The following NRG2 variants were observed in gnomAD, a reference collection of about 807,000 sequenced individuals.
The protein encoded by NRG2 is neuregulin 2.
Under a neutral mutation model 73.9 loss-of-function variants are expected in NRG2, and 27 were observed. The ratio of observed to expected loss-of-function variants is 0.37; its 90% CI spans 0.27 to 0.50. The LOEUF is 0.50. Ranked by LOEUF, NRG2 falls within the 20% of genes least tolerant of loss-of-function variation. The pLI, the probability that NRG2 is intolerant of heterozygous loss-of-function variation, is 0.96. For missense variants in NRG2, 1,126 were observed against 1,210.1 expected, an observed-to-expected ratio of 0.93 and a Z score of 1.03; for synonymous variants, 532 against 541.0, an observed-to-expected ratio of 0.98 and a Z score of 0.23.
chr5:139,884,460 G>A (rs1220675218), intron 2 of NRG2, among the ~76,000 whole-genome samples: 1 of 152,220 alleles, frequency 6.6e-6, no homozygotes, highest in Non-Finnish European at 1.5e-5. Context: ...GCCAGGAAGA[G>A]GAGTCGGAAG....
At chr5:139,879,196 A>C (rs903130981) in intron 3 of NRG2, among the ~76,000 whole-genome samples, 4 of 152,188 alleles carry the variant, frequency 2.6e-5, no homozygotes, top group Non-Finnish European at 5.9e-5. Flanking sequence ...TTCCAGGAGA[A>C]AGCATCCTCC....
intron 1 of NRG2, among the ~76,000 whole-genome samples, chr5:139,988,014 T>A (rs968017512): frequency 2.0e-5 from 3 of 152,210 alleles, no homozygotes; most frequent in Non-Finnish European, 4.4e-5. Context: ...GACCTTGTGA[T>A]CCGCCTGCCT....
intron 1 of NRG2, among the ~76,000 whole-genome samples, chr5:139,965,766 T>G (rs1167934765): frequency 6.6e-6 from 1 of 151,918 alleles, no homozygotes; most frequent in Non-Finnish European, 1.5e-5. Context: ...CTGTCAGGAG[T>G]GCTCACTAGT....
At chr5:139,896,408 G>A (rs377091654) in intron 1 of NRG2, among the ~76,000 whole-genome samples, 3 of 152,216 alleles carry the variant, frequency 2.0e-5, no homozygotes, top group East Asian at 3.9e-4. Context: ...GCTGCCAGAG[G>A]CCCTGTCTCC....
At position 139,880,176 on chromosome 5, in the gene NRG2, G is replaced by A. The variant is rs565717884; in HGVS notation, c.991+680C>T. 9.2e-5 allele frequency among the ~76,000 whole-genome samples: 14 copies of A among 152,310 alleles called. No homozygotes were observed. The East Asian group carries it at 2.7e-3, about 29-fold the overall frequency. ...AGCTAGAGTGGAGAGGGCACTGCCTGAGGACAGGTAGTTTTGGCGGAGAGG... is the reference window on the plus strand; with the variant it reads ...AGCTAGAGTGGAGAGGGCACTGCCTAAGGACAGGTAGTTTTGGCGGAGAGG... On this transcript the variant is annotated intron_variant, in intron 3 of 9. Transcript: ENST00000361474.
intron 1 of NRG2, among the ~76,000 whole-genome samples, chr5:139,938,841 C>A (rs1753049959): frequency 1.0e-5 from 1 of 95,372 alleles, no homozygotes; most frequent in Non-Finnish European, 2.0e-5. Context: ...CAGTCATATA[C>A]AGAAAGGGAA....
In NRG2 at chr5:140,010,050, C is replaced by T. The variant is rs184110496; in HGVS notation, c.700+32320G>A. Among the ~76,000 whole-genome samples, 278 of 152,302 alleles carry T rather than the reference C, an allele frequency of 1.8e-3. 1 individual carries two copies. The highest frequency in any genetic ancestry group is 3.4e-3 in the Middle Eastern group (1 of 294). ...CAGTGGCTCACACCTGTAATCCCAA[C>T]ACTCTGAGAGGCCAAGGTGGGTGGA... On this transcript the variant is annotated intron_variant, in intron 1 of 9. Coordinates refer to ENST00000361474, the MANE Select transcript of NRG2 (RefSeq NM_004883.3).
At chr5:139,977,046 G>A (rs143437652) in intron 1 of NRG2, among the ~76,000 whole-genome samples, 146 of 152,278 alleles carry the variant, frequency 9.6e-4, no homozygotes, top group African/African-American at 3.3e-3. Context: ...GGATCGCCCA[G>A]TGCCTGCCTC....
intron 1 of NRG2, among the ~76,000 whole-genome samples, chr5:140,015,456 G>A (rs1292067433): frequency 1.3e-5 from 2 of 152,146 alleles, no homozygotes; most frequent in African/African-American, 4.8e-5. Context: ...GTGTCCCATG[G>A]GCAGGGATGT....
intron 1 of NRG2, among the ~76,000 whole-genome samples, chr5:140,021,544 G>A (rs149281030): frequency 2.0e-5 from 3 of 152,210 alleles, no homozygotes; most frequent in Admixed American, 6.5e-5. Flanking sequence ...ATCTCAGCAC[G>A]TTCATGTCAT....
intron 1 of NRG2, among the ~76,000 whole-genome samples, chr5:139,888,416 G>T (rs1181742184): frequency 6.6e-6 from 1 of 152,202 alleles, no homozygotes; most frequent in Non-Finnish European, 1.5e-5. Flanking sequence ...CACGTGTTAG[G>T]CTGGTAGCAG....
intron 1 of NRG2, among the ~76,000 whole-genome samples, chr5:139,902,766 C>T (rs989110462): frequency 6.6e-6 from 1 of 152,134 alleles, no homozygotes; most frequent in Non-Finnish European, 1.5e-5. Flanking sequence ...CATAAATTTT[C>T]GATCATAAAA....
chr5:140,019,034 G>A (rs1323396110), intron 1 of NRG2, among the ~76,000 whole-genome samples: 4 of 152,186 alleles, frequency 2.6e-5, no homozygotes, highest in Non-Finnish European at 5.9e-5. Context: ...AAAAGGCAGG[G>A]AATCACGGGG....
At chr5:139,859,549 A>ATCTCTTGTC (rs1762009878) in intron 5 of NRG2, among the ~76,000 whole-genome samples, 2 of 152,230 alleles carry the variant, frequency 1.3e-5, no homozygotes, top group South Asian at 4.1e-4. Context: ...CATGGGGCCT[A>ATCTCTTGTC]TCTCTTGTCC....
In NRG2 at chr5:140,017,724, G is replaced by A. The variant is rs1464279205; in HGVS notation, c.700+24646C>T. Among the ~76,000 whole-genome samples the A allele has an allele frequency of 2.6e-5, 4 of 152,346 alleles. No homozygotes were observed. The South Asian group carries it at 6.2e-4, about 24-fold the overall frequency. On this transcript the variant is annotated intron_variant, in intron 1 of 9. Transcript: ENST00000361474. ...AGAAGAGGTCATGATATAGAGACAAGAGGTACGGGCTGTTCTTTCAAGGAG... is the reference window on the plus strand; with the variant it reads ...AGAAGAGGTCATGATATAGAGACAAAAGGTACGGGCTGTTCTTTCAAGGAG...
chr5:139,945,493 T>C lies in NRG2; in HGVS notation c.701-57982A>G, dbSNP rs904138180. 6.6e-5 allele frequency among the ~76,000 whole-genome samples: 10 copies of C among 152,288 alleles called. No homozygotes were observed. In the East Asian group the frequency reaches 1.7e-3, roughly 26 times the overall value. On this transcript the variant is annotated intron_variant, in intron 1 of 9. Transcript: ENST00000361474. Reference sequence around the variant, plus strand: ...TGGGTTTATTTCTGGTTCTCTGTTCTGTTCCATTGGTCTATGTGTCTGTTT... The same window carrying C: ...TGGGTTTATTTCTGGTTCTCTGTTCCGTTCCATTGGTCTATGTGTCTGTTT...
chr5:139,853,382 C>G lies in NRG2; in HGVS notation c.1293-355G>C, dbSNP rs992238326. Among the ~76,000 whole-genome samples, 3 of 152,168 alleles carry G rather than the reference C, an allele frequency of 2.0e-5. No individual in the cohort carries two copies. Among genetic ancestry groups the G allele is most frequent in the Non-Finnish European group, 4.4e-5 (3 of 68,048 alleles). On this transcript the variant is annotated intron_variant, in intron 6 of 9. Transcript: ENST00000361474. This position sits in a 1 kb window ranked among gnomAD's most constrained non-coding sequence, Gnocchi z 4.1. Reference sequence around the variant, plus strand: ...GAGGATTAAAAGTATATGAAACATTCAAGCACAGTGCTGACTCCCTCTCTC... The same window carrying G: ...GAGGATTAAAAGTATATGAAACATTGAAGCACAGTGCTGACTCCCTCTCTC...
intron 1 of NRG2, among the ~76,000 whole-genome samples, chr5:140,007,001 GTGGTCCTTAAC>G (rs1758956593): frequency 6.6e-6 from 1 of 152,142 alleles, no homozygotes; most frequent in Non-Finnish European, 1.5e-5. Flanking sequence ...CTCTAGAATA[GTGGTCCTTAAC>G]TGGGGTGATT....
At chr5:139,936,974 G>T (rs1752894961) in intron 1 of NRG2, among the ~76,000 whole-genome samples, 1 of 152,088 alleles carries the variant, frequency 6.6e-6, no homozygotes, top group Non-Finnish European at 1.5e-5. Context: ...GCTAATTTTT[G>T]TATTTTTAGT....
Sources: gnomAD v4.1 joint callset for allele counts (sites outside exome capture counted in the v4.1 genomes callset) on GRCh38, gnomAD v4.1.1 for gene constraint, Gnocchi (gnomAD v3.1) non-coding constraint, MANE v1.5 for transcripts, NCBI Gene and HGNC (gene_info 2026-07-23, HGNC 2026-07-21) for gene names.